The following ZNF135 variants were observed in gnomAD, a reference collection of about 807,000 sequenced individuals.
ZNF135 encodes zinc finger protein 135, also known as zinc finger protein 135 (clone pHZ-17).
Under a neutral mutation model 12.3 loss-of-function variants are expected in ZNF135, and 11 were observed. The ratio of observed to expected loss-of-function variants is 0.89; its 90% CI spans 0.56 to 1.48. The LOEUF is 1.48. Among genes scored for constraint, ZNF135 ranks in the 40% most tolerant of loss-of-function variants. The pLI is 0.00. For missense variants in ZNF135, 722 were observed against 815.7 expected (o/e 0.89, Z 1.40); for synonymous variants, 316 against 312.0 (o/e 1.01, Z -0.14).
At position 58,067,721 on chromosome 19, in the gene ZNF135, G is replaced by T. The variant is rs753060449; in HGVS notation, c.1237G>T (p.Gly413Cys). The change falls in exon 5 of 5, where the codon GGT becomes TGT. Residue 413 changes from glycine to cysteine, a missense_variant. Transcript: ENST00000313434. ...CACAGGAGAAAAGCCCTATGAGTGT[G>T]GTGAGTGTGGGAAAGCCTTCAGTCA... is the stretch of plus-strand genomic sequence containing the variant. ...THTGEKPYEC[G>C]ECGKAFSQST... is the part of the protein sequence containing the mutation. 1.2e-6 allele frequency: 2 copies of T among 1,612,266 alleles called. No individual in the cohort carries two copies. Among genetic ancestry groups the T allele is most frequent in the Non-Finnish European group, 1.7e-6 (2 of 1,179,538 alleles).
At position 58,063,311 on chromosome 19, in the gene ZNF135, C is replaced by CT; in HGVS notation, c.161-134dup. ...ATGAGTCCCTGAGGAACATCCAGGGCTGTGGGTATGACAGCTGAAGTCACT... is the reference window on the plus strand; with the variant it reads ...ATGAGTCCCTGAGGAACATCCAGGGCTTGTGGGTATGACAGCTGAAGTCACT... On this transcript the variant is annotated intron_variant, in intron 3 of 4. Coordinates refer to ENST00000313434, the MANE Select transcript of ZNF135 (RefSeq NM_001289401.2). This position sits in a 1 kb window ranked among gnomAD's most constrained non-coding sequence, Gnocchi z 4.4. The CT allele has an allele frequency of 7.1e-7, 1 of 1,413,596 alleles. No homozygotes were observed. The highest frequency in any genetic ancestry group is 9.5e-7 in the Non-Finnish European group (1 of 1,050,162). The allele number at this position is 1,413,596 out of a possible 1,614,324, so 87.6% of individuals were successfully genotyped here. A position where few individuals can be genotyped will look rare whatever the true frequency, so the allele number is the denominator to read the frequency against.
chr19:58,066,973 T>A lies in ZNF135; in HGVS notation c.489T>A (p.Asn163Lys). The stretch of plus-strand genomic sequence containing the variant: ...CTGTTCTGGAGCAGTGGCAGAGGAA[T>A]GGGTTTGGGGAAAACATAAGTCTGA... ...KTPVLEQWQR[N>K]GFGENISLNP... Residue 163 changes from asparagine (N) to lysine (K), a missense_variant, in exon 5 of 5, where the codon AAT (asparagine) becomes AAA (lysine). Physicochemically the swap from Asn to Lys is moderately conservative, Grantham distance 94. Coordinates refer to ENST00000313434, the MANE Select transcript of ZNF135 (RefSeq NM_001289401.2). 6.2e-7 allele frequency: 1 copy of A among 1,614,130 alleles called. No homozygotes were observed. Among genetic ancestry groups the A allele is most frequent in the Non-Finnish European group, 8.5e-7 (1 of 1,180,006 alleles).
rs764537517 is a variant in ZNF135, at chr19:58,066,901, T to G, written c.417T>G (p.Ser139Arg). The G allele has an allele frequency of 6.2e-7, 1 of 1,613,934 alleles. No homozygotes were observed. Among genetic ancestry groups the G allele is most frequent in the Non-Finnish European group, 8.5e-7 (1 of 1,179,984 alleles). ...TEGHWEWSCESLESLAVPVAF... is the reference protein window; with the variant it reads ...TEGHWEWSCERLESLAVPVAF... ...GCCACTGGGAATGGAGTTGTGAGAG[T>G]CTAGAGAGCCTGGCAGTGCCGGTGG... The change falls in exon 5 of 5, where the codon AGT (serine) becomes AGG (arginine). Residue 139 changes from serine (S) to arginine (R), a missense_variant. Coordinates refer to ENST00000313434, the MANE Select transcript of ZNF135 (RefSeq NM_001289401.2).
intron 3 of ZNF135, among the ~76,000 whole-genome samples, chr19:58,062,686 C>T (rs13345882): frequency 0.011 from 1,617 of 151,010 alleles, 24 homozygotes; most frequent in African/African-American, 0.036. Context: ...CCACTGCGTC[C>T]GGCCTGAACC....
intron 3 of ZNF135, 144 bp downstream of exon 3, chr19:58,061,850 T>A (rs2073987878): frequency 9.2e-7 from 1 of 1,089,230 alleles, no homozygotes; most frequent in Admixed American, 3.0e-5. Context: ...ACTGTTTTAA[T>A]GTAGGAAATA....
In ZNF135 at chr19:58,063,348, A is replaced by T; in HGVS notation, c.161-98A>T. On this transcript the variant is annotated intron_variant, in intron 3 of 4. Transcript: ENST00000313434. The surrounding 1 kb of genome is among the most constrained non-coding windows in gnomAD (Gnocchi z 4.4). Reference sequence around the variant, plus strand: ...CAGCTGAAGTCACTCAGGGGTCCCCAGCCATCTGGGACCTGGAAGACCAAA... The same window carrying T: ...CAGCTGAAGTCACTCAGGGGTCCCCTGCCATCTGGGACCTGGAAGACCAAA... The T allele has an allele frequency of 6.5e-7, 1 of 1,545,004 alleles. No individual in the cohort carries two copies. Among genetic ancestry groups the T allele is most frequent in the Non-Finnish European group, 8.8e-7 (1 of 1,140,840 alleles).
chr19:58,064,836 G>T (rs1484925718), intron 4 of ZNF135, among the ~76,000 whole-genome samples: 1 of 152,142 alleles, frequency 6.6e-6, no homozygotes, highest in African/African-American at 2.4e-5. Flanking sequence ...GTTGTGATGA[G>T]CCAAGATCAC....
In ZNF135 at chr19:58,067,339, G is replaced by A. The variant is rs577657986; in HGVS notation, c.855G>A (p.Leu285=). 5.0e-6 allele frequency: 8 copies of A among 1,614,096 alleles called. No homozygotes were observed. In the South Asian group the frequency reaches 6.6e-5, roughly 13 times the overall value. The part of the protein sequence containing the change: ...CGRTFNQIAP[L]IQHQRTHTGE... ...GGACCTTCAACCAAATTGCCCCACT[G>A]ATCCAGCACCAGAGAACTCACACAG... Residue 285 remains leucine, a synonymous_variant, in exon 5 of 5, where the codon CTG becomes CTA. Coordinates refer to ENST00000313434, the MANE Select transcript of ZNF135 (RefSeq NM_001289401.2).
rs752997240 is a variant in ZNF135 at position 58,063,554 on chromosome 19, C to T, written c.256+13C>T. 10 of 1,613,802 alleles carry T rather than the reference C, an allele frequency of 6.2e-6. No homozygotes were observed. In the South Asian group the frequency reaches 9.9e-5, roughly 16 times the overall value. ...GGCGTGTACCCAGGTGAGATGGGAGCCCTTCGGGGCAGAGAGAAGCCTGTC... is the reference window on the plus strand; with the variant it reads ...GGCGTGTACCCAGGTGAGATGGGAGTCCTTCGGGGCAGAGAGAAGCCTGTC... On this transcript the variant is annotated intron_variant, in intron 4 of 4. Coordinates refer to ENST00000313434, the MANE Select transcript of ZNF135 (RefSeq NM_001289401.2). This position sits in a 1 kb window ranked among gnomAD's most constrained non-coding sequence, Gnocchi z 4.4.
At chr19:58,064,795 G>A (rs575701996) in intron 4 of ZNF135, among the ~76,000 whole-genome samples, 1 of 152,276 alleles carries the variant, frequency 6.6e-6, no homozygotes, top group Non-Finnish European at 1.5e-5. Context: ...GGAGGCTGAG[G>A]CAGGAGAACT....
Position 58,067,362 on chromosome 19 carries a change from C to G in ZNF135, c.878C>G (p.Thr293Arg). The change falls in exon 5 of 5, where the codon ACA becomes AGA. Residue 293 changes from threonine to arginine, a missense_variant. Transcript: ENST00000313434. ...CTGATCCAGCACCAGAGAACTCACA[C>G]AGGTGAGAAGCCCTATGAATGCAGC... is the stretch of plus-strand genomic sequence containing the variant. ...APLIQHQRTH[T>R]GEKPYECSEC... 1 of 1,614,198 alleles carries G rather than the reference C, an allele frequency of 6.2e-7. No homozygotes were observed. Among genetic ancestry groups the G allele is most frequent in the Non-Finnish European group, 8.5e-7 (1 of 1,180,016 alleles).
At position 58,059,340 on chromosome 19, in the gene ZNF135, G is replaced by GAAGCC; in HGVS notation, c.-35+31_-35+32insAGCCA. 1 of 1,342,490 alleles carries GAAGCC rather than the reference G, an allele frequency of 7.4e-7. No homozygotes were observed. The highest frequency in any genetic ancestry group is 2.5e-4 in the Middle Eastern group (1 of 3,986). 83.2% of individuals were successfully genotyped at this position (1,342,490 alleles called of 1,614,324 possible). On this transcript the variant is annotated intron_variant, in intron 1 of 4. Coordinates refer to ENST00000313434, the MANE Select transcript of ZNF135 (RefSeq NM_001289401.2). This position sits in a 1 kb window ranked among gnomAD's most constrained non-coding sequence, Gnocchi z 6.5. ...GCTAGGCCGGCGAGGAGGGGGAGGG[G>GAAGCC]AGGCCAGGCCGGGCCGGGCCGGGCC...
In ZNF135 at chr19:58,060,953, C is replaced by T. The variant is rs2073967883; in HGVS notation, c.34-627C>T. ...CATCCTGGCGAACACGGTGAAACCC[C>T]GTCTCTACTAAAAATACAAAAAAAA... On this transcript the variant is annotated intron_variant, in intron 2 of 4. Transcript: ENST00000313434. This position sits in a 1 kb window ranked among gnomAD's most constrained non-coding sequence, Gnocchi z 4.9. Among the ~76,000 whole-genome samples the T allele has an allele frequency of 6.6e-6, 1 of 152,012 alleles. No homozygotes were observed. Among genetic ancestry groups the T allele is most frequent in the Non-Finnish European group, 1.5e-5 (1 of 68,006 alleles).
At position 58,067,970 on chromosome 19, in the gene ZNF135, T is replaced by G; in HGVS notation, c.1486T>G (p.Cys496Gly). Residue 496 changes from cysteine (C) to glycine (G), a missense_variant, in exon 5 of 5, where the codon TGC (cysteine) becomes GGC (glycine). Cys to Gly is a radical substitution (Grantham distance 159). Transcript: ENST00000313434. Reference sequence around the variant, plus strand: ...CCACACAGGGGAGAAGCCCTATGAATGCAATGACTGCGGCAAGGCATTCAG... The same window carrying G: ...CCACACAGGGGAGAAGCCCTATGAAGGCAATGACTGCGGCAAGGCATTCAG... ...RIHTGEKPYE[C>G]NDCGKAFSHS... 1 of 1,613,758 alleles carries G rather than the reference T, an allele frequency of 6.2e-7. No homozygotes were observed. The highest frequency in any genetic ancestry group is 8.5e-7 in the Non-Finnish European group (1 of 1,179,956).
Position 58,066,928 on chromosome 19 carries a change from C to T in ZNF135, c.444C>T (p.Ala148=). The part of the protein sequence containing the change: ...ESLESLAVPV[A]FTPVKTPVLE... ...TAGAGAGCCTGGCAGTGCCGGTGGCCTTCACGCCTGTGAAGACGCCTGTTC... is the reference window on the plus strand; with the variant it reads ...TAGAGAGCCTGGCAGTGCCGGTGGCTTTCACGCCTGTGAAGACGCCTGTTC... Residue 148 remains alanine, a synonymous_variant, in exon 5 of 5, where the codon GCC becomes GCT. Transcript: ENST00000313434. 6.2e-7 allele frequency: 1 copy of T among 1,614,174 alleles called. No homozygotes were observed. The highest frequency in any genetic ancestry group is 8.5e-7 in the Non-Finnish European group (1 of 1,180,028).
rs142807992 is a variant in ZNF135, at chr19:58,064,696, A to G, written c.256+1155A>G. On this transcript the variant is annotated intron_variant, in intron 4 of 4. Coordinates refer to ENST00000313434, the MANE Select transcript of ZNF135 (RefSeq NM_001289401.2). ...GGAGTTCAAGACCAGCCTGGCCAAC[A>G]TGGTGAAACCCCGTCTCTACAAAAA... 9.5e-3 allele frequency among the ~76,000 whole-genome samples: 1,409 copies of G among 148,996 alleles called. 30 individuals carry two copies. Among genetic ancestry groups the G allele is most frequent in the African/African-American group, 0.034 (1,354 of 40,200 alleles).
upstream of ZNF135, chr19:58,059,239 G>T: frequency 6.3e-7 from 1 of 1,586,664 alleles, no homozygotes; most frequent in African/African-American, 1.4e-5. This position sits in a 1 kb window ranked among gnomAD's most constrained non-coding sequence, Gnocchi z 6.5. Flanking sequence ...GGCTCTCTGG[G>T]AAATGGAGTT....
rs1599919909 is a variant in ZNF135 at position 58,060,390 on chromosome 19, G to C, written c.33+355G>C. 1 of 1,230,236 alleles carries C rather than the reference G, an allele frequency of 8.1e-7. No individual in the cohort carries two copies. Among genetic ancestry groups the C allele is most frequent in the East Asian group, 4.8e-5 (1 of 20,890 alleles). The allele number at this position is 1,230,236 out of a possible 1,614,324, so 76.2% of individuals were successfully genotyped here. A position where few individuals can be genotyped will look rare whatever the true frequency, so the allele number is the denominator to read the frequency against. On this transcript the variant is annotated intron_variant, in intron 2 of 4. Transcript: ENST00000313434. The surrounding 1 kb of genome is among the most constrained non-coding windows in gnomAD (Gnocchi z 4.9). ...TGCCTCTGAAAGGACCGCCCACGCC[G>C]CGCTGGAGGTCAGCGGGCACGGGTC... is the stretch of plus-strand genomic sequence containing the variant.
At position 58,067,325 on chromosome 19, in the gene ZNF135, C is replaced by G; in HGVS notation, c.841C>G (p.Gln281Glu). Reference protein sequence around the residue: ...KCTQCGRTFNQIAPLIQHQRT... With the variant: ...KCTQCGRTFNEIAPLIQHQRT... ...CACTCAGTGTGGGAGGACCTTCAAC[C>G]AAATTGCCCCACTGATCCAGCACCA... is the stretch of plus-strand genomic sequence containing the variant. The change falls in exon 5 of 5, where the codon CAA (glutamine) becomes GAA (glutamate). Residue 281 changes from glutamine to glutamate, a missense_variant. Physicochemically the swap from Gln to Glu is conservative, Grantham distance 29. Transcript: ENST00000313434. 1.2e-6 allele frequency: 2 copies of G among 1,614,162 alleles called. No individual in the cohort carries two copies. Among genetic ancestry groups the G allele is most frequent in the Non-Finnish European group, 1.7e-6 (2 of 1,180,038 alleles).
Sources: gnomAD v4.1 joint callset for allele counts (sites outside exome capture counted in the v4.1 genomes callset) on GRCh38, gnomAD v4.1.1 for gene constraint, Gnocchi (gnomAD v3.1) non-coding constraint, MANE v1.5 for transcripts, NCBI Gene and HGNC (gene_info 2026-07-23, HGNC 2026-07-21) for gene names.